Variants in DLG2 observed in about 807,000 individuals in gnomAD.
DLG2 encodes the protein discs large MAGUK scaffold protein 2.
In DLG2, 45 loss-of-function variants were observed where a neutral mutation model predicts 132.5. That is an observed-to-expected ratio of 0.34 (90% confidence interval 0.27 to 0.44). The LOEUF is 0.44. Among genes scored for constraint, DLG2 ranks in the 20% least tolerant of loss-of-function variants. The probability of loss-of-function intolerance (pLI) is 1.00; values close to 1 mark genes in which losing one functional copy is unlikely to be tolerated. For synonymous variants in DLG2, 424 were observed against 419.6 expected, an observed-to-expected ratio of 1.01 and a Z score of -0.13; for missense variants, 1,045 against 1,196.9, an observed-to-expected ratio of 0.87 and a Z score of 1.87.
chr11:83,682,187 G>C (rs917789829), intron 18 of DLG2: 4 of 985,270 alleles, frequency 4.1e-6, no homozygotes, highest in African/African-American at 1.7e-5. Flanking sequence ...ACAAAGCAGG[G>C]AGGAGGCAGG....
chr11:85,050,845 C>A (rs2062818427), intron 6 of DLG2, among the ~76,000 whole-genome samples: 1 of 152,060 alleles, frequency 6.6e-6, no homozygotes, highest in African/African-American at 2.4e-5. Flanking sequence ...TTAATCTCAA[C>A]AAATTTGTGA....
chr11:85,062,673 G>C (rs988585796), intron 6 of DLG2, among the ~76,000 whole-genome samples: 3 of 151,588 alleles, frequency 2.0e-5, no homozygotes, highest in Non-Finnish European at 4.4e-5. Context: ...CAGAGATCTA[G>C]TAAGATAATA....
At chr11:84,670,992 T>C (rs1210208398) in intron 6 of DLG2, among the ~76,000 whole-genome samples, 2 of 152,148 alleles carry the variant, frequency 1.3e-5, no homozygotes, top group Non-Finnish European at 2.9e-5. Flanking sequence ...CAGCAGCAAG[T>C]ATTTAAAAAC....
At chr11:84,207,072 T>TCTCC (rs1175874910) in intron 8 of DLG2, among the ~76,000 whole-genome samples, 1 of 101,734 alleles carries the variant, frequency 9.8e-6, no homozygotes, top group Non-Finnish European at 2.3e-5. Context: ...TCTCTCTCTC[T>TCTCC]CTCTCTCTCT....
Position 84,960,014 on chromosome 11 carries a change from A to C in DLG2, c.357+151647T>G, listed in dbSNP as rs189187371. On this transcript the variant is annotated intron_variant, in intron 6 of 27. Transcript: ENST00000376104. ...AAGAATTAGCATATAATAAATATCT[A>C]CTATGTTCCAGGTCTTTGCAAGGTA... Among the ~76,000 whole-genome samples, 868 of 152,356 alleles carry C rather than the reference A, an allele frequency of 5.7e-3. 2 individuals carry two copies. The highest frequency in any genetic ancestry group is 8.7e-3 in the Non-Finnish European group (589 of 68,038).
At position 85,581,303 on chromosome 11, in the gene DLG2, C is replaced by T. The variant is rs138474623; in HGVS notation, c.40+17354G>A. On this transcript the variant is annotated intron_variant, in intron 3 of 27. Coordinates refer to ENST00000376104, the MANE Select transcript of DLG2 (RefSeq NM_001142699.3). Reference sequence around the variant, plus strand: ...TCATACCTTTGTAATAGATCTTTCACTTAAATCTCTTTGAGAACGCCTTCT... The same window carrying T: ...TCATACCTTTGTAATAGATCTTTCATTTAAATCTCTTTGAGAACGCCTTCT... Among the ~76,000 whole-genome samples the T allele has an allele frequency of 3.8e-3, 574 of 152,194 alleles. 1 individual carries two copies. The highest frequency in any genetic ancestry group is 0.02 in the Middle Eastern group (6 of 294).
intron 15 of DLG2, among the ~76,000 whole-genome samples, chr11:83,884,628 G>A (rs528993429): frequency 8.5e-5 from 13 of 152,128 alleles, no homozygotes; most frequent in Non-Finnish European, 1.9e-4. Context: ...ATCTGAGGAC[G>A]GGCAGACTGC....
intron 3 of DLG2, chr11:85,524,945 T>C (rs1468432574): frequency 6.8e-6 from 1 of 146,284 alleles, no homozygotes; most frequent in African/African-American, 2.5e-5. Flanking sequence ...TCCATGTTTG[T>C]GAATCTCAAT....
At chr11:84,771,906 G>A (rs2069470234) in intron 6 of DLG2, among the ~76,000 whole-genome samples, 1 of 151,964 alleles carries the variant, frequency 6.6e-6, no homozygotes, top group South Asian at 2.1e-4. Context: ...AAAAGCAGTA[G>A]CATTTCTAAA....
At chr11:85,075,180 T>G (rs2066362749) in intron 6 of DLG2, among the ~76,000 whole-genome samples, 1 of 151,928 alleles carries the variant, frequency 6.6e-6, no homozygotes, top group Admixed American at 6.6e-5. Flanking sequence ...GGTGCATATA[T>G]GAGGAAACTG....
intron 25 of DLG2, among the ~76,000 whole-genome samples, chr11:83,467,810 T>TATATATATATATATAC (rs1414160515): frequency 7.3e-5 from 7 of 96,292 alleles, no homozygotes; most frequent in African/African-American, 1.6e-4. Flanking sequence ...TATATATATA[T>TATATATATATATATAC]ACACACACAC....
At chr11:84,578,664 T>C (rs1477246273) in intron 6 of DLG2, among the ~76,000 whole-genome samples, 1 of 152,190 alleles carries the variant, frequency 6.6e-6, no homozygotes, top group African/African-American at 2.4e-5. Flanking sequence ...TACAGGCTCA[T>C]AGGCAGAAGG....
intron 6 of DLG2, among the ~76,000 whole-genome samples, chr11:84,666,727 T>G (rs1030206050): frequency 1.3e-5 from 2 of 152,036 alleles, no homozygotes; most frequent in Non-Finnish European, 2.9e-5. Flanking sequence ...TATATTTATA[T>G]TTAAATAAAA....
intron 20 of DLG2, among the ~76,000 whole-genome samples, chr11:83,539,179 T>C (rs7101681): frequency 0.021 from 3,216 of 152,276 alleles, 114 homozygotes; most frequent in African/African-American, 0.072. Flanking sequence ...TTCAATAAAA[T>C]TTATTCACCA....
intron 11 of DLG2, among the ~76,000 whole-genome samples, chr11:83,986,575 A>T (rs1253559331): frequency 5.3e-5 from 8 of 151,656 alleles, no homozygotes; most frequent in Non-Finnish European, 1.0e-4. Context: ...GTATATACCC[A>T]GTAATGGGAT....
At chr11:85,389,601 A>G (rs745486180) in intron 3 of DLG2, among the ~76,000 whole-genome samples, 46 of 152,158 alleles carry the variant, frequency 3.0e-4, no homozygotes, top group Non-Finnish European at 4.9e-4. Flanking sequence ...CTTAAGAGCT[A>G]CAAGACAAAA....
At chr11:85,085,422 T>C (rs1487156541) in intron 6 of DLG2, among the ~76,000 whole-genome samples, 1 of 152,154 alleles carries the variant, frequency 6.6e-6, no homozygotes. Flanking sequence ...CCTTCCTTTG[T>C]AACTTAACAT....
intron 3 of DLG2, among the ~76,000 whole-genome samples, chr11:85,420,593 A>T (rs2090215851): frequency 6.6e-6 from 1 of 152,202 alleles, no homozygotes; most frequent in Non-Finnish European, 1.5e-5. Context: ...AAGCCCCCTG[A>T]CTGTGGCTGC....
chr11:83,584,347 T>C (rs939135417), intron 19 of DLG2, among the ~76,000 whole-genome samples: 4 of 152,226 alleles, frequency 2.6e-5, no homozygotes, highest in Non-Finnish European at 2.9e-5. Flanking sequence ...AAGGAGTTGA[T>C]AGCCCAGTTC....
Sources: allele counts gnomAD v4.1 joint callset (sites outside exome capture counted in the v4.1 genomes callset), GRCh38; gene constraint gnomAD v4.1.1; transcripts MANE v1.5; gene names NCBI Gene and HGNC (gene_info 2026-07-23, HGNC 2026-07-21).